The following GRID1 variants were observed in gnomAD, a reference collection of about 807,000 sequenced individuals.
The protein encoded by GRID1 is glutamate ionotropic receptor delta type subunit 1, also known as glutamate receptor ionotropic, delta-1.
GRID1 carries 28 observed loss-of-function variants against 98.0 expected under a neutral mutation model. That is an observed-to-expected ratio of 0.29 (90% confidence interval 0.21 to 0.39). The LOEUF is 0.39. Among genes scored for constraint, GRID1 ranks in the 10% least tolerant of loss-of-function variants. The probability of loss-of-function intolerance (pLI) is 1.00; values close to 1 mark genes in which losing one functional copy is unlikely to be tolerated. For missense variants in GRID1, 1,111 were observed against 1,340.5 expected (o/e 0.83, Z 2.67); for synonymous variants, 553 against 538.5 (o/e 1.03, Z -0.37).
chr10:85,621,867 G>A (rs1216795503), intron 13 of GRID1, among the ~76,000 whole-genome samples: 2 of 152,108 alleles, frequency 1.3e-5, no homozygotes, highest in Non-Finnish European at 2.9e-5. Context: ...TCAGCAAAAT[G>A]TTGACTTATG....
intron 2 of GRID1, among the ~76,000 whole-genome samples, chr10:86,247,145 G>T (rs1236576976): frequency 1.3e-5 from 2 of 152,166 alleles, no homozygotes; most frequent in East Asian, 3.9e-4. Context: ...TAGGTGGATG[G>T]ATGGATGAGT....
chr10:86,166,559 A>G (rs1845401656), intron 3 of GRID1, among the ~76,000 whole-genome samples: 1 of 152,200 alleles, frequency 6.6e-6, no homozygotes, highest in African/African-American at 2.4e-5. Flanking sequence ...CATTATGCAA[A>G]TAAGCACAAT....
In GRID1 at chr10:85,822,303, C is replaced by A. The variant is rs61855969; in HGVS notation, c.1233+32193G>T. Among the ~76,000 whole-genome samples the A allele has an allele frequency of 5.5e-3, 838 of 152,108 alleles. 2 individuals are homozygous for A. The highest frequency in any genetic ancestry group is 0.01 in the Middle Eastern group (3 of 294). On this transcript the variant is annotated intron_variant, in intron 8 of 15. Coordinates refer to ENST00000327946, the MANE Select transcript of GRID1 (RefSeq NM_017551.3). ...AATCTACTCATCTGACAAAGGGCTA[C>A]TATCCAGAATCTACAAAGAACTCAA...
intron 2 of GRID1, among the ~76,000 whole-genome samples, chr10:86,346,451 C>A (rs1256189262): frequency 6.6e-6 from 1 of 152,248 alleles, no homozygotes; most frequent in Non-Finnish European, 1.5e-5. Flanking sequence ...CAGGTCCACC[C>A]CCTCCAGGCC....
chr10:85,880,250 G>A (rs1268537680), intron 5 of GRID1, among the ~76,000 whole-genome samples: 1 of 152,146 alleles, frequency 6.6e-6, no homozygotes, highest in African/African-American at 2.4e-5. Flanking sequence ...GAAAAAGAGG[G>A]AATCCTCCCT....
chr10:85,919,951 C>G (rs952964335), intron 4 of GRID1, among the ~76,000 whole-genome samples: 1 of 152,078 alleles, frequency 6.6e-6, no homozygotes, highest in African/African-American at 2.4e-5. Context: ...CAGCCAACAC[C>G]CCCAATTCAG....
chr10:86,250,877 A>T (rs1245333715), intron 2 of GRID1, among the ~76,000 whole-genome samples: 2 of 152,222 alleles, frequency 1.3e-5, no homozygotes, highest in African/African-American at 2.4e-5. Context: ...GGCCATGATG[A>T]CAAAGGAGGT....
chr10:86,247,301 A>C (rs1846747208), intron 2 of GRID1, among the ~76,000 whole-genome samples: 1 of 151,486 alleles, frequency 6.6e-6, no homozygotes, highest in African/African-American at 2.4e-5. Flanking sequence ...GGATGGATGG[A>C]TATATGAGTG....
intron 12 of GRID1, among the ~76,000 whole-genome samples, chr10:85,676,091 A>G (rs192738112): frequency 7.3e-4 from 111 of 152,294 alleles, no homozygotes; most frequent in Admixed American, 1.8e-3. Flanking sequence ...AGCAAAGAAC[A>G]TGGATATATC....
chr10:86,093,199 A>G (rs985806001), intron 4 of GRID1, among the ~76,000 whole-genome samples: 1 of 152,232 alleles, frequency 6.6e-6, no homozygotes, highest in East Asian at 1.9e-4. Context: ...ATAATGACAC[A>G]ACCTATCAAA....
intron 3 of GRID1, among the ~76,000 whole-genome samples, chr10:86,194,129 G>T (rs575755906): frequency 6.6e-6 from 1 of 152,148 alleles, no homozygotes; most frequent in East Asian, 1.9e-4. Context: ...TCTCATCACT[G>T]TATTCTAGCT....
At chr10:85,679,506 C>T (rs1841182856) in intron 12 of GRID1, among the ~76,000 whole-genome samples, 1 of 152,160 alleles carries the variant, frequency 6.6e-6, no homozygotes, top group Admixed American at 6.5e-5. Context: ...TCTGGGGAGG[C>T]CTGCTGGAGG....
chr10:85,603,647 C>T (rs1298909984), intron 15 of GRID1, among the ~76,000 whole-genome samples: 2 of 152,210 alleles, frequency 1.3e-5, no homozygotes, highest in Admixed American at 6.5e-5. Flanking sequence ...TTGGCTTCCC[C>T]GCTGTGAGGT....
chr10:86,209,311 T>C (rs1421484470), intron 2 of GRID1, among the ~76,000 whole-genome samples: 1 of 152,260 alleles, frequency 6.6e-6, no homozygotes, highest in Non-Finnish European at 1.5e-5. Context: ...GAGGAAGGAC[T>C]ATTGTGTGAG....
chr10:85,776,226 G>T (rs1250086346), intron 8 of GRID1, among the ~76,000 whole-genome samples: 1 of 152,088 alleles, frequency 6.6e-6, no homozygotes, highest in Non-Finnish European at 1.5e-5. Flanking sequence ...TAAGCAAGCA[G>T]CTCTTGATGT....
intron 8 of GRID1, among the ~76,000 whole-genome samples, chr10:85,804,591 A>C (rs1245424734): frequency 6.6e-6 from 1 of 151,858 alleles, no homozygotes; most frequent in Non-Finnish European, 1.5e-5. Flanking sequence ...CATCATAATA[A>C]ATCTAATTCA....
chr10:85,950,232 A>G (rs1277414401), intron 4 of GRID1, among the ~76,000 whole-genome samples: 1 of 152,232 alleles, frequency 6.6e-6, no homozygotes, highest in Non-Finnish European at 1.5e-5. Flanking sequence ...AGCCCAGAGC[A>G]GTGCACCTGG....
intron 2 of GRID1, among the ~76,000 whole-genome samples, chr10:86,233,836 T>C (rs1374294016): frequency 6.6e-6 from 1 of 151,918 alleles, no homozygotes; most frequent in Non-Finnish European, 1.5e-5. Context: ...TCTGGAAGGC[T>C]GACTGCTGTG....
intron 8 of GRID1, among the ~76,000 whole-genome samples, chr10:85,822,993 A>G (rs1842786949): frequency 6.6e-6 from 1 of 152,182 alleles, no homozygotes; most frequent in Non-Finnish European, 1.5e-5. Context: ...AATAATGAGA[A>G]CACCTGGACA....
Sources: gnomAD v4.1 joint callset for allele counts (sites outside exome capture counted in the v4.1 genomes callset) on GRCh38, gnomAD v4.1.1 for gene constraint, MANE v1.5 for transcripts, NCBI Gene and HGNC (gene_info 2026-07-23, HGNC 2026-07-21) for gene names.